The following FGF14 variants were observed in gnomAD, a reference collection of about 807,000 sequenced individuals.
FGF14 encodes fibroblast growth factor 14, also known as fibroblast growth factor homologous factor 4.
In FGF14, 5 loss-of-function variants were observed where a neutral mutation model predicts 25.5. That is an observed-to-expected ratio of 0.20 (90% confidence interval 0.10 to 0.41). The LOEUF (loss-of-function observed/expected upper bound fraction) is 0.41, where lower values mean the gene tolerates loss of function less well. Ranked by LOEUF, FGF14 falls within the 10% of genes least tolerant of loss-of-function variation. The probability of loss-of-function intolerance (pLI) is 1.00; values close to 1 mark genes in which losing one functional copy is unlikely to be tolerated. For synonymous variants in FGF14, 138 were observed against 118.3 expected, an observed-to-expected ratio of 1.17 and a Z score of -1.08; for missense variants, 222 against 320.1, an observed-to-expected ratio of 0.69 and a Z score of 2.34.
At chr13:102,018,313 G>A (rs567653428) in intron 1 of FGF14, among the ~76,000 whole-genome samples, 65 of 152,122 alleles carry the variant, frequency 4.3e-4, no homozygotes, top group African/African-American at 1.3e-3. Context: ...CCCAGAGTCC[G>A]CAACCAAATA....
intron 3 of FGF14, among the ~76,000 whole-genome samples, chr13:101,731,265 T>C (rs1246749540): frequency 6.6e-6 from 1 of 152,192 alleles, no homozygotes; most frequent in African/African-American, 2.4e-5. Flanking sequence ...CTTATTTAAA[T>C]TTAGGCTTAA....
intron 1 of FGF14, among the ~76,000 whole-genome samples, chr13:102,029,210 C>A (rs1468745496): frequency 2.0e-5 from 3 of 152,044 alleles, no homozygotes; most frequent in African/African-American, 7.2e-5. Flanking sequence ...AGTGCCAGAT[C>A]TACTTAGAGC....
chr13:102,127,594 G>A (rs117632176), intron 1 of FGF14, among the ~76,000 whole-genome samples: 2,094 of 152,254 alleles, frequency 0.014, 25 homozygotes, highest in Non-Finnish European at 0.024. Context: ...CCCTAACTCA[G>A]AGAATCATGA....
intron 1 of FGF14, among the ~76,000 whole-genome samples, chr13:101,880,540 G>A (rs1183253003): frequency 7.9e-5 from 12 of 152,188 alleles, no homozygotes; most frequent in African/African-American, 2.6e-4. Flanking sequence ...ACTCTAGCCT[G>A]GGCAACAAGA....
chr13:101,912,479 A>G (rs1165230885), intron 1 of FGF14, among the ~76,000 whole-genome samples: 5 of 152,158 alleles, frequency 3.3e-5, no homozygotes, highest in Admixed American at 3.3e-4. Flanking sequence ...TTGGGGATAC[A>G]ATGTTCATTA....
At chr13:102,327,976 C>CAA (rs4000851) in intron 1 of FGF14, among the ~76,000 whole-genome samples, 4 of 142,280 alleles carry the variant, frequency 2.8e-5, no homozygotes, top group African/African-American at 7.6e-5. Flanking sequence ...CTGGAAGGAT[C>CAA]AAAAAAAAAA....
intron 1 of FGF14, among the ~76,000 whole-genome samples, chr13:102,247,992 G>A (rs777494191): frequency 1.3e-5 from 2 of 152,134 alleles, no homozygotes; most frequent in Non-Finnish European, 2.9e-5. Context: ...CATAGGAATG[G>A]AAAGCCAAAT....
intron 1 of FGF14, among the ~76,000 whole-genome samples, chr13:102,328,072 G>A (rs542404330): frequency 5.9e-5 from 9 of 151,346 alleles, no homozygotes; most frequent in Non-Finnish European, 1.2e-4. Flanking sequence ...AAACTCATAA[G>A]TCTCCCTATT....
chr13:102,004,364 T>G (rs755387314), intron 1 of FGF14, among the ~76,000 whole-genome samples: 1 of 152,148 alleles, frequency 6.6e-6, no homozygotes, highest in Non-Finnish European at 1.5e-5. Context: ...CAGACCAGAC[T>G]GGAATGTACT....
chr13:102,294,305 CT>C, intron 1 of FGF14, among the ~76,000 whole-genome samples: 1 of 151,570 alleles, frequency 6.6e-6, no homozygotes, highest in East Asian at 1.9e-4. Context: ...ATTGCTTAAT[CT>C]TCATCTTCCA....
At position 101,715,680 on chromosome 13, in the gene FGF14, C is replaced by T. The variant is rs750324370; in HGVS notation, c.*7151G>A. On this transcript the variant is annotated 3_prime_UTR_variant, in exon 5 of 5. Transcript: ENST00000376143. ...CAATTACATGAGAGAGGTCTGGATT[C>T]TTATTTTTTCTGGGCCATTAGAACA... 1 of 1,466,928 alleles carries T rather than the reference C, an allele frequency of 6.8e-7. No individual in the cohort carries two copies. Among genetic ancestry groups the T allele is most frequent in the Non-Finnish European group, 9.6e-7 (1 of 1,046,078 alleles). 90.9% of individuals were successfully genotyped at this position (1,466,928 alleles called of 1,614,324 possible).
At chr13:102,144,659 G>T (rs1163154230) in intron 1 of FGF14, among the ~76,000 whole-genome samples, 3 of 152,020 alleles carry the variant, frequency 2.0e-5, no homozygotes, top group Non-Finnish European at 4.4e-5. Flanking sequence ...GTAGAGAATT[G>T]GAAAAATCAT....
chr13:102,290,572 T>C lies in FGF14; in HGVS notation c.208+110899A>G, dbSNP rs77193202. On this transcript the variant is annotated intron_variant, in intron 1 of 4. Transcript: ENST00000376131. ...TGAGAGAAACATATCTTTGGCTCTC[T>C]GGACCCGATCTACTTTGTTCTGGTG... is the stretch of plus-strand genomic sequence containing the variant. Among the ~76,000 whole-genome samples, 1,710 of 152,306 alleles carry C rather than the reference T, an allele frequency of 0.011. 78 individuals carry two copies. In the East Asian group the frequency reaches 0.15, roughly 14 times the overall value.
At chr13:102,283,170 A>C (rs1036560902) in intron 1 of FGF14, among the ~76,000 whole-genome samples, 3 of 152,288 alleles carry the variant, frequency 2.0e-5, no homozygotes, top group African/African-American at 7.2e-5. Context: ...AGAAGGGGAC[A>C]TATTGCACTC....
At chr13:101,926,127 A>G (rs1226288059) in intron 1 of FGF14, among the ~76,000 whole-genome samples, 4 of 152,218 alleles carry the variant, frequency 2.6e-5, no homozygotes, top group Non-Finnish European at 4.4e-5. Context: ...ACGTATTCAC[A>G]TACTCACAAG....
chr13:101,731,373 C>A (rs2035801930), intron 3 of FGF14, among the ~76,000 whole-genome samples: 1 of 152,128 alleles, frequency 6.6e-6, no homozygotes, highest in African/African-American at 2.4e-5. Flanking sequence ...ACCATCACCC[C>A]CACCACAACA....
intron 1 of FGF14, among the ~76,000 whole-genome samples, chr13:102,363,419 T>C (rs757889473): frequency 3.9e-5 from 6 of 152,204 alleles, no homozygotes; most frequent in Non-Finnish European, 5.9e-5. Context: ...CATGGTCAAC[T>C]GGGAAATCAG....
intron 1 of FGF14, among the ~76,000 whole-genome samples, chr13:102,004,565 G>C (rs535686801): frequency 2.0e-5 from 3 of 152,136 alleles, no homozygotes; most frequent in Admixed American, 1.3e-4. Context: ...ATAGTCCCTC[G>C]ATGCACCAAT....
intron 3 of FGF14, among the ~76,000 whole-genome samples, chr13:101,830,653 T>A (rs2042625499): frequency 6.6e-6 from 1 of 152,092 alleles, no homozygotes; most frequent in Admixed American, 6.6e-5. Context: ...AGGAAATTTC[T>A]AAATTTTCAA....
Sources: gnomAD v4.1 joint callset for allele counts (sites outside exome capture counted in the v4.1 genomes callset) on GRCh38, gnomAD v4.1.1 for gene constraint, MANE v1.5 for transcripts, NCBI Gene and HGNC (gene_info 2026-07-23, HGNC 2026-07-21) for gene names.